The following MBD5 variants were observed in gnomAD, a reference collection of about 807,000 sequenced individuals.
MBD5 encodes the protein methyl-CpG-binding domain protein 5.
MBD5 carries 13 observed loss-of-function variants against 117.3 expected under a neutral mutation model. The ratio of observed to expected loss-of-function variants is 0.11; its 90% CI spans 0.07 to 0.18. The LOEUF is 0.18. Among genes scored for constraint, MBD5 ranks in the 10% least tolerant of loss-of-function variants. The pLI is 1.00. For synonymous variants in MBD5, 727 were observed against 766.4 expected, an observed-to-expected ratio of 0.95 and a Z score of 0.85; for missense variants, 1,879 against 2,093.8, an observed-to-expected ratio of 0.90 and a Z score of 2.00.
intron 2 of MBD5, among the ~76,000 whole-genome samples, chr2:148,183,320 A>C (rs1304397063): frequency 6.6e-6 from 1 of 152,100 alleles, no homozygotes; most frequent in Non-Finnish European, 1.5e-5. Flanking sequence ...TATCGAAGAA[A>C]AATGAAGGGT....
At chr2:148,381,697 G>A (rs1387914929) in intron 4 of MBD5, among the ~76,000 whole-genome samples, 1 of 152,142 alleles carries the variant, frequency 6.6e-6, no homozygotes, top group Non-Finnish European at 1.5e-5. Context: ...AATGTTAAGG[G>A]CAGCCAGAGA....
chr2:148,202,383 C>G (rs878974819), intron 2 of MBD5, among the ~76,000 whole-genome samples: 3 of 151,962 alleles, frequency 2.0e-5, no homozygotes, highest in African/African-American at 7.3e-5. Flanking sequence ...TGAGCAATGT[C>G]TAGAAGAGTG....
intron 4 of MBD5, among the ~76,000 whole-genome samples, chr2:148,361,068 C>A (rs140600538): frequency 4.1e-4 from 62 of 152,230 alleles, no homozygotes; most frequent in Non-Finnish European, 1.8e-4. Context: ...TGGGTTGGGG[C>A]CAGGCGTGGT....
intron 2 of MBD5, among the ~76,000 whole-genome samples, chr2:148,229,221 C>T (rs985549524): frequency 6.6e-6 from 1 of 151,726 alleles, no homozygotes; most frequent in Admixed American, 6.6e-5. Context: ...TTCAAACAGC[C>T]TATCTTCAAG....
chr2:148,380,027 G>C (rs11898234), intron 4 of MBD5, among the ~76,000 whole-genome samples: 27,601 of 152,014 alleles, frequency 0.18, 2,703 homozygotes, highest in African/African-American at 0.23. Context: ...ATAAAAATGT[G>C]AAAAGATTGA....
intron 2 of MBD5, among the ~76,000 whole-genome samples, chr2:148,199,498 G>A (rs1699080948): frequency 6.6e-6 from 1 of 152,160 alleles, no homozygotes; most frequent in Non-Finnish European, 1.5e-5. Flanking sequence ...GCCAGGCACG[G>A]TGGCTCATGT....
At chr2:148,207,201 G>T (rs538127957) in intron 2 of MBD5, among the ~76,000 whole-genome samples, 1 of 152,044 alleles carries the variant, frequency 6.6e-6, no homozygotes. Flanking sequence ...TGGTAAATGG[G>T]CTAGCATTAT....
At chr2:148,365,623 C>A (rs902793395) in intron 4 of MBD5, among the ~76,000 whole-genome samples, 8 of 152,002 alleles carry the variant, frequency 5.3e-5, no homozygotes, top group Non-Finnish European at 8.8e-5. Context: ...CAAATAGACA[C>A]AATAAAAAAT....
chr2:148,115,123 TG>T (rs1390030345), intron 1 of MBD5, among the ~76,000 whole-genome samples: 1 of 152,206 alleles, frequency 6.6e-6, no homozygotes, highest in Non-Finnish European at 1.5e-5. Flanking sequence ...ATCAATATAC[TG>T]GTAACATCTT....
intron 4 of MBD5, among the ~76,000 whole-genome samples, chr2:148,425,014 A>C (rs1705731494): frequency 6.6e-6 from 1 of 152,192 alleles, no homozygotes; most frequent in South Asian, 2.1e-4. Context: ...AGCTAGCAGA[A>C]GACAAGAAAT....
chr2:148,187,322 A>G (rs538981393), intron 2 of MBD5, among the ~76,000 whole-genome samples: 1 of 152,028 alleles, frequency 6.6e-6, no homozygotes, highest in Non-Finnish European at 1.5e-5. Flanking sequence ...CCCAAAAAAA[A>G]AACCCAGCAC....
At chr2:148,220,651 G>A (rs1021892321) in intron 2 of MBD5, among the ~76,000 whole-genome samples, 2 of 151,856 alleles carry the variant, frequency 1.3e-5, no homozygotes, top group Admixed American at 6.6e-5. Context: ...ATATTTGTAC[G>A]ATATATGAAA....
intron 4 of MBD5, among the ~76,000 whole-genome samples, chr2:148,343,788 G>A (rs998105635): frequency 1.4e-4 from 21 of 151,838 alleles, no homozygotes; most frequent in South Asian, 4.1e-4. Flanking sequence ...AATTTCTTTC[G>A]CTGTGCAGAA....
chr2:148,464,928 C>A (rs1253704584), intron 7 of MBD5, among the ~76,000 whole-genome samples: 1 of 151,260 alleles, frequency 6.6e-6, no homozygotes, highest in African/African-American at 2.4e-5. Context: ...CATGATCACA[C>A]CACTGTGCTC....
chr2:148,379,793 G>C (rs1704084359), intron 4 of MBD5, among the ~76,000 whole-genome samples: 1 of 151,790 alleles, frequency 6.6e-6, no homozygotes, highest in Non-Finnish European at 1.5e-5. Flanking sequence ...AGATTTCCAA[G>C]GTAACCCACT....
chr2:148,148,110 T>C (rs1178373569), intron 1 of MBD5, among the ~76,000 whole-genome samples: 1 of 152,202 alleles, frequency 6.6e-6, no homozygotes, highest in African/African-American at 2.4e-5. Flanking sequence ...CTGATTATTT[T>C]TGACAAATAT....
chr2:148,068,440 G>C (rs1022302216), intron 1 of MBD5: 1 of 152,074 alleles, frequency 6.6e-6, no homozygotes, highest in African/African-American at 2.4e-5. Flanking sequence ...TTTGTTTCTT[G>C]GATCTTACTG....
At chr2:148,096,592 G>T (rs143678552) in intron 1 of MBD5, among the ~76,000 whole-genome samples, 1 of 152,134 alleles carries the variant, frequency 6.6e-6, no homozygotes, top group African/African-American at 2.4e-5. Flanking sequence ...CCTTGGCTCT[G>T]ATTGTTCTGC....
intron 11 of MBD5, among the ~76,000 whole-genome samples, chr2:148,494,822 GGGT>G (rs1681648867): frequency 6.6e-6 from 1 of 152,120 alleles, no homozygotes; most frequent in Non-Finnish European, 1.5e-5. Context: ...AATTAGCCGG[GGGT>G]GGTGGCGGGT....
Sources: gnomAD v4.1 joint callset for allele counts (sites outside exome capture counted in the v4.1 genomes callset) on GRCh38, gnomAD v4.1.1 for gene constraint, MANE v1.5 for transcripts, NCBI Gene and HGNC (gene_info 2026-07-23, HGNC 2026-07-21) for gene names.